The following SLCO2A1 variants were observed in gnomAD, a reference collection of about 807,000 sequenced individuals.
SLCO2A1 encodes matrin F/G 1.
SLCO2A1 carries 60 observed loss-of-function variants against 71.7 expected under a neutral mutation model. That is an observed-to-expected ratio of 0.84 (90% confidence interval 0.68 to 1.04). The LOEUF (loss-of-function observed/expected upper bound fraction) is 1.04. Among genes scored for constraint, SLCO2A1 ranks in the 50% least tolerant of loss-of-function variants. The pLI, the probability that SLCO2A1 is intolerant of heterozygous loss-of-function variation, is 0.00. For synonymous variants in SLCO2A1, 308 were observed against 326.7 expected, an observed-to-expected ratio of 0.94 and a Z score of 0.62; for missense variants, 745 against 813.4, an observed-to-expected ratio of 0.92 and a Z score of 1.02.
intron 1 of SLCO2A1, among the ~76,000 whole-genome samples, chr3:134,024,909 A>G (rs1263354356): frequency 6.6e-6 from 1 of 152,154 alleles, no homozygotes; most frequent in African/African-American, 2.4e-5. Context: ...CCAGTTGAAC[A>G]TAACTGTGTA....
intron 3 of SLCO2A1, among the ~76,000 whole-genome samples, chr3:133,960,970 A>G (rs967346058): frequency 1.3e-5 from 2 of 152,064 alleles, no homozygotes; most frequent in African/African-American, 4.8e-5. Flanking sequence ...ACATTCCACA[A>G]CATGAATAAA....
At position 133,935,759 on chromosome 3, in the gene SLCO2A1, A is replaced by T. The variant is rs778604537; in HGVS notation, c.1814+15T>A. The T allele has an allele frequency of 6.3e-7, 1 of 1,580,348 alleles. No homozygotes were observed. Among genetic ancestry groups the T allele is most frequent in the East Asian group, 2.3e-5 (1 of 44,376 alleles). ...GGGCCTGGCTCTGGGACACACATAC[A>T]TGATGGGCCCTCACCTGTCTCGGAG... On this transcript the variant is annotated intron_variant, in intron 13 of 13. Transcript: ENST00000310926.
chr3:133,988,872 G>A (rs1934773633), intron 1 of SLCO2A1, among the ~76,000 whole-genome samples: 3 of 152,298 alleles, frequency 2.0e-5, no homozygotes, highest in South Asian at 2.1e-4. Context: ...ACTTAAGGCC[G>A]GTTTGTGCTA....
At chr3:134,011,770 C>G (rs1935350854) in intron 1 of SLCO2A1, among the ~76,000 whole-genome samples, 1 of 152,178 alleles carries the variant, frequency 6.6e-6, no homozygotes, top group Admixed American at 6.5e-5. Flanking sequence ...TCTACTTCCT[C>G]CAGAGAGATG....
intron 10 of SLCO2A1, among the ~76,000 whole-genome samples, chr3:133,943,301 G>A (rs1046512754): frequency 4.6e-5 from 7 of 152,178 alleles, no homozygotes; most frequent in Non-Finnish European, 8.8e-5. Flanking sequence ...CCTGTCTCAA[G>A]TCTGCAAGTC....
At chr3:133,974,547 T>C (rs1194108922) in intron 2 of SLCO2A1, among the ~76,000 whole-genome samples, 3 of 152,198 alleles carry the variant, frequency 2.0e-5, no homozygotes, top group Non-Finnish European at 4.4e-5. Context: ...TTGGTCTGTT[T>C]TCAATTCTGT....
At chr3:134,009,982 G>T (rs1021138911) in intron 1 of SLCO2A1, among the ~76,000 whole-genome samples, 48 of 152,210 alleles carry the variant, frequency 3.2e-4, no homozygotes, top group African/African-American at 9.9e-4. Context: ...CTCACAGTAT[G>T]GCAGGGAGGG....
intron 3 of SLCO2A1, among the ~76,000 whole-genome samples, chr3:133,957,176 G>A (rs1933918368): frequency 6.6e-6 from 1 of 152,074 alleles, no homozygotes; most frequent in Admixed American, 6.6e-5. Flanking sequence ...CACCGATCTT[G>A]CTCACTTAAC....
chr3:133,951,816 T>C (rs935347420), intron 5 of SLCO2A1, among the ~76,000 whole-genome samples: 9 of 152,202 alleles, frequency 5.9e-5, no homozygotes, highest in Admixed American at 3.3e-4. Flanking sequence ...ATTTCATTGG[T>C]CAATTTCAAG....
rs1178582665 is a variant in SLCO2A1 at position 133,947,457 on chromosome 3, A to G, written c.1106-12T>C. 1.9e-6 allele frequency: 3 copies of G among 1,606,454 alleles called. No homozygotes were observed. The East Asian group carries it at 6.7e-5, about 36-fold the overall frequency. On this transcript the variant is annotated splice_polypyrimidine_tract_variant and intron_variant, in intron 8 of 13. Transcript: ENST00000310926. ...GAGGTTCACAGCACCTATAAGTGGA[A>G]AGAAGGAGGTGATCCAGGTGCACAG...
intron 4 of SLCO2A1, 140 bp downstream of exon 4, chr3:133,954,826 T>C: frequency 1.5e-6 from 1 of 646,148 alleles, no homozygotes; most frequent in Non-Finnish European, 2.6e-6. Context: ...ACCAAGTCTG[T>C]CGGATCCCCA....
In SLCO2A1 at chr3:133,955,008, C is replaced by T. The variant is rs758784301; in HGVS notation, c.583G>A (p.Val195Met). 6.8e-6 allele frequency: 11 copies of T among 1,614,080 alleles called. No individual in the cohort carries two copies. Residue 195 changes from valine (V) to methionine (M), a missense_variant, in exon 4 of 14, where the codon GTG (valine) becomes ATG (methionine). Physicochemically the swap from Val to Met is conservative, Grantham distance 21. Transcript: ENST00000310926. Reference protein sequence around the residue: ...VPIQPFGISYVDDFSEPSNSP... With the variant: ...VPIQPFGISYMDDFSEPSNSP... ...TTGCTGGGCTCTGAGAAGTCATCCA[C>T]ATAGGAGATCCCAAATGGCTGAATA... is the stretch of plus-strand genomic sequence containing the variant.
intron 1 of SLCO2A1, among the ~76,000 whole-genome samples, chr3:134,028,242 TC>T (rs1291191420): frequency 6.6e-6 from 1 of 152,154 alleles, no homozygotes; most frequent in Non-Finnish European, 1.5e-5. Flanking sequence ...CCACCCTGGT[TC>T]CTGCAGAGGC....
chr3:134,015,973 A>G (rs944878154), intron 1 of SLCO2A1, among the ~76,000 whole-genome samples: 1 of 152,198 alleles, frequency 6.6e-6, no homozygotes, highest in Non-Finnish European at 1.5e-5. Flanking sequence ...CAATAGGTAA[A>G]AAAACAAAAC....
chr3:133,987,149 G>GCCCCGCCACCCCCA (rs1198719849), intron 1 of SLCO2A1, among the ~76,000 whole-genome samples: 1 of 80,628 alleles, frequency 1.2e-5, no homozygotes, highest in African/African-American at 5.3e-5. Context: ...CCCCGCCCCC[G>GCCCCGCCACCCCCA]CCCCGCCACC....
chr3:133,936,562 G>A (rs766124085), intron 12 of SLCO2A1, among the ~76,000 whole-genome samples: 6 of 152,124 alleles, frequency 3.9e-5, no homozygotes, highest in Non-Finnish European at 7.4e-5. Context: ...CTAATATTCC[G>A]GATGCCACAC....
In SLCO2A1 at chr3:133,973,789, A is replaced by G. The variant is rs1233761608; in HGVS notation, c.271T>C (p.Phe91Leu). The change falls in exon 3 of 14, where the codon TTT (phenylalanine) becomes CTT (leucine). Residue 91 changes from phenylalanine to leucine, a missense_variant. Phe to Leu is a conservative substitution (Grantham distance 22). Transcript: ENST00000310926. Reference protein sequence around the residue: ...NAILIIFVSYFGSRVHRPRLI... With the variant: ...NAILIIFVSYLGSRVHRPRLI... ...CGTGGACGGTGCACCCGGCTGCCAA[A>G]GTAGCTGACAAAGATGATGAGGATG... is the stretch of plus-strand genomic sequence containing the variant. 1.1e-5 allele frequency: 17 copies of G among 1,613,868 alleles called. No homozygotes were observed. Among genetic ancestry groups the G allele is most frequent in the Non-Finnish European group, 1.4e-5 (17 of 1,180,008 alleles).
At chr3:134,015,838 GA>G (rs1341305562) in intron 1 of SLCO2A1, among the ~76,000 whole-genome samples, 1 of 151,776 alleles carries the variant, frequency 6.6e-6, no homozygotes, top group Non-Finnish European at 1.5e-5. Context: ...CAGAAACAAC[GA>G]AACAAAATAA....
At chr3:133,992,639 T>C (rs183226424) in intron 1 of SLCO2A1, among the ~76,000 whole-genome samples, 233 of 152,298 alleles carry the variant, frequency 1.5e-3, no homozygotes, top group African/African-American at 5.2e-3. Flanking sequence ...CCCCAGGCTC[T>C]GCCAGCAGAG....
Sources: allele counts gnomAD v4.1 joint callset (sites outside exome capture counted in the v4.1 genomes callset), GRCh38; gene constraint gnomAD v4.1.1; transcripts MANE v1.5; gene names NCBI Gene and HGNC (gene_info 2026-07-23, HGNC 2026-07-21).